VWA8: variants seen among roughly 807,000 people sequenced by gnomAD.
VWA8 encodes the protein von Willebrand factor A domain-containing protein 8.
A neutral mutation model predicts 241.5 loss-of-function variants in VWA8; 221 were observed. The observed-to-expected ratio is 0.91, with a 90% confidence interval of 0.82 to 1.02. The LOEUF (loss-of-function observed/expected upper bound fraction) is 1.02. VWA8 is among the 50% of genes least tolerant of loss of function. The pLI is 0.00. For synonymous variants in VWA8, 852 were observed against 827.1 expected (o/e 1.03, Z -0.52); for missense variants, 2,322 against 2,328.7 (o/e 1.00, Z 0.06).
chr13:41,898,361 C>G (rs994267892), intron 4 of VWA8, among the ~76,000 whole-genome samples: 8 of 151,894 alleles, frequency 5.3e-5, no homozygotes, highest in Non-Finnish European at 1.2e-4. Context: ...CAGGGTGCTC[C>G]AAGGCCCCAC....
At chr13:41,609,337 T>C (rs982912706) in intron 39 of VWA8, among the ~76,000 whole-genome samples, 1 of 152,212 alleles carries the variant, frequency 6.6e-6, no homozygotes, top group Non-Finnish European at 1.5e-5. Flanking sequence ...TATTTGATGA[T>C]AGCGAGGAAT....
At chr13:41,798,609 T>C (rs1593779473) in intron 17 of VWA8, among the ~76,000 whole-genome samples, 2 of 152,170 alleles carry the variant, frequency 1.3e-5, no homozygotes, top group Admixed American at 1.3e-4. Flanking sequence ...TATGTAGGTG[T>C]TGATTTGTTT....
At chr13:41,800,877 C>G (rs370263644) in intron 17 of VWA8, among the ~76,000 whole-genome samples, 42 of 151,140 alleles carry the variant, frequency 2.8e-4, no homozygotes, top group African/African-American at 9.7e-4. Flanking sequence ...TAAAATCACA[C>G]AAAAATTATT....
intron 9 of VWA8, among the ~76,000 whole-genome samples, chr13:41,871,599 T>A (rs1167542326): frequency 9.2e-5 from 14 of 152,124 alleles, no homozygotes; most frequent in Non-Finnish European, 2.1e-4. Context: ...AATGATGATT[T>A]CCAATTTCAT....
intron 40 of VWA8, among the ~76,000 whole-genome samples, chr13:41,604,561 G>C (rs2044541365): frequency 6.6e-6 from 1 of 151,884 alleles, no homozygotes; most frequent in Non-Finnish European, 1.5e-5. Flanking sequence ...TCCCCCAGAA[G>C]GACAATTACA....
At chr13:41,854,274 GGCT>G (rs1231669315) in intron 12 of VWA8, among the ~76,000 whole-genome samples, 1 of 152,040 alleles carries the variant, frequency 6.6e-6, no homozygotes, top group African/African-American at 2.4e-5. Context: ...CCAGCAGAAT[GGCT>G]GTCAGTAGCT....
chr13:41,776,745 G>C (rs1273553540), intron 20 of VWA8, among the ~76,000 whole-genome samples: 1 of 152,102 alleles, frequency 6.6e-6, no homozygotes, highest in African/African-American at 2.4e-5. Context: ...CTGAGCCTTA[G>C]TAAGATAAGC....
At chr13:41,579,697 C>T (rs1295086793) in intron 42 of VWA8, among the ~76,000 whole-genome samples, 1 of 152,190 alleles carries the variant, frequency 6.6e-6, no homozygotes, top group Non-Finnish European at 1.5e-5. Context: ...TTCCATATAT[C>T]TCATCTCATT....
At chr13:41,748,100 A>G (rs1210756896) in intron 21 of VWA8, among the ~76,000 whole-genome samples, 1 of 152,320 alleles carries the variant, frequency 6.6e-6, no homozygotes, top group East Asian at 1.9e-4. Flanking sequence ...TATCAGGATG[A>G]TGCTGGCCTC....
At chr13:41,644,451 C>T (rs2044817707) in intron 37 of VWA8, among the ~76,000 whole-genome samples, 1 of 152,362 alleles carries the variant, frequency 6.6e-6, no homozygotes, top group South Asian at 2.1e-4. Flanking sequence ...CACAGATTCC[C>T]GGCCAGGGCC....
At chr13:41,667,857 T>A (rs965697796) in intron 37 of VWA8, among the ~76,000 whole-genome samples, 10 of 152,226 alleles carry the variant, frequency 6.6e-5, no homozygotes, top group Admixed American at 2.0e-4. Context: ...TTTATATTAA[T>A]CCTTTCAGTT....
At chr13:41,688,927 G>A (rs141084990) in intron 34 of VWA8, among the ~76,000 whole-genome samples, 129 of 152,052 alleles carry the variant, frequency 8.5e-4, no homozygotes, top group African/African-American at 2.9e-3. Flanking sequence ...CCTGTGACAT[G>A]CAATTTACCT....
rs375658970 is a variant in VWA8 at position 41,949,914 on chromosome 13, T to A, written c.241+22A>T. 46 of 1,412,642 alleles carry A rather than the reference T, an allele frequency of 3.3e-5. No homozygotes were observed. The African/African-American group carries it at 6.4e-4, about 20-fold the overall frequency. 87.5% of individuals were successfully genotyped at this position (1,412,642 alleles called of 1,614,324 possible). ...TGAAAAGTTAAAAGTTATTCATTCA[T>A]ATATTAATAAATATTTCTTACTGTA... On this transcript the variant is annotated intron_variant, in intron 2 of 44. Transcript: ENST00000379310.
intron 42 of VWA8, among the ~76,000 whole-genome samples, chr13:41,584,312 A>T (rs1442692776): frequency 6.6e-6 from 1 of 152,094 alleles, no homozygotes; most frequent in Non-Finnish European, 1.5e-5. Flanking sequence ...GGGAAAATCC[A>T]CCTGTGTCTG....
chr13:41,907,042 T>C lies in VWA8; in HGVS notation c.483+544A>G, dbSNP rs193121852. 1.8e-3 allele frequency among the ~76,000 whole-genome samples: 276 copies of C among 152,276 alleles called. 1 individual carries two copies. Among genetic ancestry groups the C allele is most frequent in the African/African-American group, 6.4e-3 (264 of 41,572 alleles). On this transcript the variant is annotated intron_variant, in intron 4 of 44. Coordinates refer to ENST00000379310, the MANE Select transcript of VWA8 (RefSeq NM_015058.2). ...CTATCCTTTTTCTATTAAATACTCCTAAGAACAATATTTTAAACAATGTAT... is the reference window on the plus strand; with the variant it reads ...CTATCCTTTTTCTATTAAATACTCCCAAGAACAATATTTTAAACAATGTAT...
intron 21 of VWA8, among the ~76,000 whole-genome samples, chr13:41,750,819 G>A (rs539121185): frequency 6.6e-6 from 1 of 151,800 alleles, no homozygotes; most frequent in Non-Finnish European, 1.5e-5. Flanking sequence ...TCCACTCTAG[G>A]TGAAAATCTT....
At chr13:41,772,002 C>A (rs528599565) in intron 20 of VWA8, among the ~76,000 whole-genome samples, 6 of 150,128 alleles carry the variant, frequency 4.0e-5, no homozygotes, top group African/African-American at 1.2e-4. Flanking sequence ...GCGATTCTCC[C>A]GCCTCAGCCT....
intron 37 of VWA8, among the ~76,000 whole-genome samples, chr13:41,669,714 A>G (rs1056785358): frequency 6.6e-6 from 1 of 152,332 alleles, no homozygotes; most frequent in South Asian, 2.1e-4. Context: ...ATTTACTATT[A>G]GGCACCAATG....
chr13:41,588,980 A>G (rs949001287), intron 41 of VWA8, among the ~76,000 whole-genome samples: 5 of 152,208 alleles, frequency 3.3e-5, no homozygotes, highest in African/African-American at 1.2e-4. Flanking sequence ...GTTGACCACA[A>G]TGATTCAGTA....
Sources: gnomAD v4.1 joint callset for allele counts (sites outside exome capture counted in the v4.1 genomes callset) on GRCh38, gnomAD v4.1.1 for gene constraint, MANE v1.5 for transcripts, NCBI Gene and HGNC (gene_info 2026-07-23, HGNC 2026-07-21) for gene names.